CCDC60: variants seen among roughly 807,000 people sequenced by gnomAD.
CCDC60 encodes the protein coiled-coil domain containing 60, also known as coiled-coil domain-containing protein 60.
In CCDC60, 54 loss-of-function variants were observed where a neutral mutation model predicts 63.5. The ratio of observed to expected loss-of-function variants is 0.85; its 90% CI spans 0.68 to 1.07. The LOEUF (loss-of-function observed/expected upper bound fraction) is 1.07, where lower values mean the gene tolerates loss of function less well. CCDC60 is among the 50% of genes least tolerant of loss of function. The pLI is 0.00. For synonymous variants in CCDC60, 206 were observed against 238.8 expected (o/e 0.86, Z 1.27); for missense variants, 651 against 684.3 (o/e 0.95, Z 0.54).
intron 1 of CCDC60, among the ~76,000 whole-genome samples, chr12:119,416,250 A>C (rs1956697126): frequency 6.6e-6 from 1 of 152,076 alleles, no homozygotes; most frequent in Admixed American, 6.5e-5. Flanking sequence ...GAGGTGTTGC[A>C]TGCCTGTAAT....
At chr12:119,434,449 A>G (rs1391480863) in intron 2 of CCDC60, among the ~76,000 whole-genome samples, 1 of 152,184 alleles carries the variant, frequency 6.6e-6, no homozygotes, top group Non-Finnish European at 1.5e-5. Flanking sequence ...CCTGTCTTTG[A>G]TGAATAAGAG....
intron 1 of CCDC60, among the ~76,000 whole-genome samples, chr12:119,338,902 T>C (rs1336196349): frequency 6.6e-6 from 1 of 152,202 alleles, no homozygotes; most frequent in Non-Finnish European, 1.5e-5. Context: ...CTCGAAGCCC[T>C]CTGAACTGGC....
At chr12:119,520,920 CA>C (rs1375649093) in intron 9 of CCDC60, among the ~76,000 whole-genome samples, 1 of 152,168 alleles carries the variant, frequency 6.6e-6, no homozygotes, top group East Asian at 1.9e-4. Flanking sequence ...CAAACACAAA[CA>C]AACACAGCCT....
At chr12:119,477,750 C>A (rs752269656) in intron 3 of CCDC60, among the ~76,000 whole-genome samples, 1 of 152,214 alleles carries the variant, frequency 6.6e-6, no homozygotes, top group Non-Finnish European at 1.5e-5. Flanking sequence ...GAAGCACACA[C>A]CTCATTCAAA....
At chr12:119,378,480 A>G (rs1388345930) in intron 1 of CCDC60, among the ~76,000 whole-genome samples, 2 of 152,228 alleles carry the variant, frequency 1.3e-5, no homozygotes, top group Non-Finnish European at 2.9e-5. Flanking sequence ...TAGCTCCTGT[A>G]TCAGCACTAA....
At chr12:119,401,171 C>T (rs979698832) in intron 1 of CCDC60, among the ~76,000 whole-genome samples, 4 of 152,234 alleles carry the variant, frequency 2.6e-5, no homozygotes, top group Non-Finnish European at 5.9e-5. Flanking sequence ...GGTCACAGAG[C>T]TGGTTACCCA....
At chr12:119,409,467 C>T (rs903774716) in intron 1 of CCDC60, among the ~76,000 whole-genome samples, 12 of 152,160 alleles carry the variant, frequency 7.9e-5, no homozygotes, top group Non-Finnish European at 1.0e-4. Context: ...TACTGAAGGT[C>T]TCCCTTGCAA....
intron 1 of CCDC60, among the ~76,000 whole-genome samples, chr12:119,403,032 G>T (rs4453294): frequency 0.14 from 21,390 of 152,146 alleles, 2,203 homozygotes; most frequent in East Asian, 0.57. Context: ...ATTATCTCCA[G>T]ATACATACTC....
intron 1 of CCDC60, among the ~76,000 whole-genome samples, chr12:119,425,874 A>G (rs112788122): frequency 2.6e-5 from 4 of 152,326 alleles, no homozygotes; most frequent in African/African-American, 9.6e-5. Flanking sequence ...GGCTTCAGTC[A>G]TTCAGGGCCT....
intron 4 of CCDC60, 95 bp from the exon 5 acceptor site, chr12:119,488,664 C>T: frequency 9.7e-7 from 1 of 1,028,216 alleles, no homozygotes; most frequent in South Asian, 1.4e-5. Context: ...TGCTCCCTCA[C>T]TGGGAGCAAG....
chr12:119,391,569 A>C (rs886711782), intron 1 of CCDC60, among the ~76,000 whole-genome samples: 8 of 152,106 alleles, frequency 5.3e-5, no homozygotes, highest in African/African-American at 1.9e-4. Context: ...AATAACCTCT[A>C]CCGGAAAGGG....
chr12:119,436,148 G>A (rs1054947726), intron 2 of CCDC60, among the ~76,000 whole-genome samples: 1 of 152,198 alleles, frequency 6.6e-6, no homozygotes, highest in Non-Finnish European at 1.5e-5. Flanking sequence ...CTACTTCTCA[G>A]CGGGAACAGC....
rs527937394 is a variant in CCDC60 at position 119,512,563 on chromosome 12, G to A, written c.884-4060G>A. ...GGGCACCCTACCAGGTGCAATGGATGGAGATGGGAAGATAGCATTCTTCCA... is the reference window on the plus strand; with the variant it reads ...GGGCACCCTACCAGGTGCAATGGATAGAGATGGGAAGATAGCATTCTTCCA... On this transcript the variant is annotated intron_variant, in intron 7 of 13. Coordinates refer to ENST00000327554, the MANE Select transcript of CCDC60 (RefSeq NM_178499.5). Among the ~76,000 whole-genome samples the A allele has an allele frequency of 5.9e-5, 9 of 152,316 alleles. No homozygotes were observed. In the South Asian group the frequency reaches 8.3e-4, roughly 14 times the overall value.
At position 119,420,745 on chromosome 12, in the gene CCDC60, T is replaced by A. The variant is rs1380477507; in HGVS notation, c.91-7938T>A. ...TGTTTGTAACTCAAAGGATAAATGC[T>A]TGAGGGGATAGATGCCCCATTCTCC... On this transcript the variant is annotated intron_variant, in intron 1 of 13. Transcript: ENST00000327554. The surrounding 1 kb of genome is among the most constrained non-coding windows in gnomAD (Gnocchi z 4.1). 1.3e-5 allele frequency among the ~76,000 whole-genome samples: 2 copies of A among 152,236 alleles called. No individual in the cohort carries two copies. The highest frequency in any genetic ancestry group is 2.4e-5 in the African/African-American group (1 of 41,460).
At chr12:119,347,333 A>C (rs1384326681) in intron 1 of CCDC60, among the ~76,000 whole-genome samples, 1 of 152,182 alleles carries the variant, frequency 6.6e-6, no homozygotes, top group African/African-American at 2.4e-5. Context: ...TAAACAGCTT[A>C]ATTGGGTTGA....
chr12:119,460,351 AGCACATTTTTT>A (rs1192053904), intron 2 of CCDC60, among the ~76,000 whole-genome samples: 7 of 152,340 alleles, frequency 4.6e-5, no homozygotes, highest in African/African-American at 1.4e-4. Context: ...ATGTCTAAGA[AGCACATTTTTT>A]GCACATTTTA....
At chr12:119,374,971 G>T (rs1451966445) in intron 1 of CCDC60, among the ~76,000 whole-genome samples, 1 of 152,134 alleles carries the variant, frequency 6.6e-6, no homozygotes, top group African/African-American at 2.4e-5. Context: ...GTGGGTTTTG[G>T]CTGGCTTCCT....
intron 1 of CCDC60, among the ~76,000 whole-genome samples, chr12:119,378,759 C>T (rs1413385325): frequency 1.3e-5 from 2 of 152,160 alleles, no homozygotes; most frequent in East Asian, 3.8e-4. Context: ...TGCGAAGATC[C>T]TCAAGGCACA....
At chr12:119,386,078 T>C (rs1048772536) in intron 1 of CCDC60, among the ~76,000 whole-genome samples, 1 of 152,202 alleles carries the variant, frequency 6.6e-6, no homozygotes, top group Non-Finnish European at 1.5e-5. Flanking sequence ...CATTCAACCA[T>C]TTATTTGTTG....
Sources: gnomAD v4.1 joint callset for allele counts (sites outside exome capture counted in the v4.1 genomes callset) on GRCh38, gnomAD v4.1.1 for gene constraint, Gnocchi (gnomAD v3.1) non-coding constraint, MANE v1.5 for transcripts, NCBI Gene and HGNC (gene_info 2026-07-23, HGNC 2026-07-21) for gene names.